RBM20: variants seen among roughly 807,000 people sequenced by gnomAD.
RBM20 encodes the protein RNA-binding protein 20.
In RBM20, 51 loss-of-function variants were observed where a neutral mutation model predicts 110.1. The observed-to-expected ratio is 0.46, with a 90% CI of 0.37 to 0.59. The LOEUF (loss-of-function observed/expected upper bound fraction) is 0.59, where lower values mean the gene tolerates loss of function less well. Ranked by LOEUF, RBM20 falls within the 20% of genes least tolerant of loss-of-function variation. The pLI, the probability that RBM20 is intolerant of heterozygous loss-of-function variation, is 0.00. For synonymous variants in RBM20, 589 were observed against 618.2 expected (o/e 0.95, Z 0.70); for missense variants, 1,512 against 1,574.9 (o/e 0.96, Z 0.68).
At chr10:110,796,100 A>T (rs1178532789) in intron 5 of RBM20, among the ~76,000 whole-genome samples, 2 of 152,222 alleles carry the variant, frequency 1.3e-5, no homozygotes, top group Non-Finnish European at 2.9e-5. Flanking sequence ...GATTCCCACA[A>T]ACTTTCTATG....
Position 110,835,995 on chromosome 10 carries a change from G to GCTA in RBM20, c.*20_*22dup. On this transcript the variant is annotated 3_prime_UTR_variant, in exon 14 of 14. Transcript: ENST00000369519. ...AAGCTCTGATGCTTCTGCTTCTGCT[G>GCTA]CTACTGCTGCTGCTGCAAGGTTGGA... 1 of 934,186 alleles carries GCTA rather than the reference G, an allele frequency of 1.1e-6. No individual in the cohort carries two copies. Among genetic ancestry groups the GCTA allele is most frequent in the Non-Finnish European group, 1.7e-6 (1 of 603,780 alleles). The allele number at this position is 934,186 out of a possible 1,614,324, so 57.9% of individuals were successfully genotyped here.
At chr10:110,728,303 GC>G (rs1843585559) in intron 1 of RBM20, among the ~76,000 whole-genome samples, 1 of 152,018 alleles carries the variant, frequency 6.6e-6, no homozygotes. Flanking sequence ...ATGGCCCAGG[GC>G]CCCTGCCATA....
At chr10:110,754,503 C>A (rs766983204) in intron 1 of RBM20, among the ~76,000 whole-genome samples, 1 of 152,184 alleles carries the variant, frequency 6.6e-6, no homozygotes, top group Non-Finnish European at 1.5e-5. Flanking sequence ...CCCCTATAGT[C>A]TAAATCCACT....
intron 1 of RBM20, among the ~76,000 whole-genome samples, chr10:110,741,924 C>G (rs1843729985): frequency 6.6e-6 from 1 of 152,066 alleles, no homozygotes; most frequent in African/African-American, 2.4e-5. Flanking sequence ...GCCTGCCTCC[C>G]CATGGACGTA....
chr10:110,669,121 C>T (rs9651417), intron 1 of RBM20, among the ~76,000 whole-genome samples: 72,002 of 151,922 alleles, frequency 0.47, 17,261 homozygotes, highest in East Asian at 0.67. Flanking sequence ...TTCGTTTTTT[C>T]TGGAATAGCA....
At chr10:110,791,394 C>G (rs1454965328) in intron 5 of RBM20, among the ~76,000 whole-genome samples, 1 of 152,188 alleles carries the variant, frequency 6.6e-6, no homozygotes, top group African/African-American at 2.4e-5. Flanking sequence ...CTCTAGGAGG[C>G]AGTTTGAGAG....
At chr10:110,787,628 G>T (rs1379564114) in intron 5 of RBM20, among the ~76,000 whole-genome samples, 1 of 152,212 alleles carries the variant, frequency 6.6e-6, no homozygotes, top group African/African-American at 2.4e-5. Flanking sequence ...GTACCAGTGG[G>T]CAAGCACAAG....
At chr10:110,691,258 G>A (rs773854381) in intron 1 of RBM20, among the ~76,000 whole-genome samples, 6 of 152,184 alleles carry the variant, frequency 3.9e-5, no homozygotes, top group South Asian at 2.1e-4. Flanking sequence ...GTAAATGTGC[G>A]TGTTCAAGCA....
At chr10:110,705,227 A>G (rs560284618) in intron 1 of RBM20, among the ~76,000 whole-genome samples, 1 of 152,354 alleles carries the variant, frequency 6.6e-6, no homozygotes, top group South Asian at 2.1e-4. Flanking sequence ...AATTTTTCAC[A>G]TTACTGTCCT....
intron 1 of RBM20, among the ~76,000 whole-genome samples, chr10:110,659,360 G>A (rs1164814186): frequency 6.6e-6 from 1 of 152,230 alleles, no homozygotes; most frequent in East Asian, 1.9e-4. Flanking sequence ...TAGCTTCTTA[G>A]AGTCCACATG....
At chr10:110,798,589 A>C (rs2135076062) in intron 6 of RBM20, among the ~76,000 whole-genome samples, 1 of 152,350 alleles carries the variant, frequency 6.6e-6, no homozygotes, top group Non-Finnish European at 1.5e-5. Flanking sequence ...GGCACTGAGA[A>C]AGCTGGGTGG....
intron 1 of RBM20, among the ~76,000 whole-genome samples, chr10:110,766,828 A>G (rs1240966466): frequency 2.7e-4 from 40 of 150,626 alleles, no homozygotes; most frequent in Non-Finnish European, 4.3e-4. Flanking sequence ...CCCGTTCTCA[A>G]TGAGCTGTTG....
chr10:110,647,309 T>A (rs149120965), intron 1 of RBM20, among the ~76,000 whole-genome samples: 2 of 152,250 alleles, frequency 1.3e-5, no homozygotes, highest in Non-Finnish European at 2.9e-5. Context: ...TTAGTACTTA[T>A]GAAGATTGCA....
At chr10:110,710,158 T>A (rs1188061276) in intron 1 of RBM20, among the ~76,000 whole-genome samples, 1 of 152,156 alleles carries the variant, frequency 6.6e-6, no homozygotes, top group Non-Finnish European at 1.5e-5. Flanking sequence ...CAAGGTCCCT[T>A]TAGTGCTGAC....
Position 110,812,500 on chromosome 10 carries a change from G to A in RBM20, c.2103G>A (p.Arg701=). 6.4e-7 allele frequency: 1 copy of A among 1,551,672 alleles called. No individual in the cohort carries two copies. The highest frequency in any genetic ancestry group is 2.4e-5 in the East Asian group (1 of 40,916). The change falls in exon 9 of 14, where the codon AGG becomes AGA. Residue 701 remains arginine, a synonymous_variant. Coordinates refer to ENST00000369519, the MANE Select transcript of RBM20 (RefSeq NM_001134363.3). ...APWRDNGDDK[R]DRMDPWAHDR... is the part of the protein sequence containing the mutation. ...GGAGGGACAACGGAGATGACAAGAGGGACAGGATGGACCCCTGGGCACATG... is the reference window on the plus strand; with the variant it reads ...GGAGGGACAACGGAGATGACAAGAGAGACAGGATGGACCCCTGGGCACATG...
intron 1 of RBM20, among the ~76,000 whole-genome samples, chr10:110,736,421 T>G (rs1843670331): frequency 6.6e-6 from 1 of 152,248 alleles, no homozygotes; most frequent in African/African-American, 2.4e-5. Context: ...TTTATTTTGT[T>G]TTGTCTTTGC....
At chr10:110,770,244 A>C (rs1201052823) in intron 1 of RBM20, among the ~76,000 whole-genome samples, 2 of 152,050 alleles carry the variant, frequency 1.3e-5, no homozygotes, top group Non-Finnish European at 2.9e-5. Flanking sequence ...TGCCCACCAA[A>C]ATTTGAATTA....
intron 1 of RBM20, among the ~76,000 whole-genome samples, chr10:110,672,634 A>G (rs1862279269): frequency 6.6e-6 from 1 of 152,276 alleles, no homozygotes; most frequent in Non-Finnish European, 1.5e-5. Flanking sequence ...CGGATAGGGG[A>G]CGTTTCAGAC....
intron 1 of RBM20, among the ~76,000 whole-genome samples, chr10:110,687,317 A>G (rs1355597742): frequency 6.6e-6 from 1 of 152,228 alleles, no homozygotes; most frequent in Non-Finnish European, 1.5e-5. Context: ...GCTGAGTCCA[A>G]TCAATGTGAT....
Sources: gnomAD v4.1 joint callset for allele counts (sites outside exome capture counted in the v4.1 genomes callset) on GRCh38, gnomAD v4.1.1 for gene constraint, MANE v1.5 for transcripts, NCBI Gene and HGNC (gene_info 2026-07-23, HGNC 2026-07-21) for gene names.